C14orf39: variants seen among roughly 807,000 people sequenced by gnomAD.
The protein encoded by C14orf39 is chromosome 14 open reading frame 39, also known as protein SIX6OS1.
Under a neutral mutation model 85.6 loss-of-function variants are expected in C14orf39, and 66 were observed. The ratio of observed to expected loss-of-function variants is 0.77; its 90% confidence interval spans 0.63 to 0.95. The LOEUF is 0.95. Among genes scored for constraint, C14orf39 ranks in the 40% least tolerant of loss-of-function variants. The pLI is 0.00. For synonymous variants in C14orf39, 242 were observed against 214.0 expected (o/e 1.13, Z -1.14); for missense variants, 735 against 663.9 (o/e 1.11, Z -1.18).
chr14:60,473,862 C>G (rs958291768), intron 5 of C14orf39, among the ~76,000 whole-genome samples: 3 of 152,096 alleles, frequency 2.0e-5, no homozygotes, highest in African/African-American at 7.2e-5. Context: ...GTTCTTTTGG[C>G]TTAGGATTGA....
At chr14:60,513,157 A>G (rs954198366) in intron 1 of C14orf39, among the ~76,000 whole-genome samples, 5 of 152,196 alleles carry the variant, frequency 3.3e-5, no homozygotes, top group African/African-American at 1.2e-4. Context: ...GCCCTTATCC[A>G]GAGAATTCTT....
At chr14:60,466,524 C>G (rs1031362925) in intron 10 of C14orf39, among the ~76,000 whole-genome samples, 5 of 151,934 alleles carry the variant, frequency 3.3e-5, no homozygotes, top group Non-Finnish European at 7.4e-5. Context: ...TGCAGAGCCA[C>G]TGAATGAAAC....
intron 1 of C14orf39, chr14:60,510,940 C>A: frequency 1.2e-6 from 1 of 839,588 alleles, no homozygotes; most frequent in Non-Finnish European, 1.9e-6. Context: ...CCTCTGTCGC[C>A]TTGCCGAGTA....
At chr14:60,482,410 C>T (rs1183404039) in intron 4 of C14orf39, among the ~76,000 whole-genome samples, 1 of 152,158 alleles carries the variant, frequency 6.6e-6, no homozygotes, top group Non-Finnish European at 1.5e-5. Context: ...AATAGGAACT[C>T]TCCTACACTG....
Position 60,466,928 on chromosome 14 carries a change from G to A in C14orf39, c.884C>T (p.Pro295Leu). ...AACAGATATTATACCTGCAACTCTT[G>A]GTTCTGAAGAATGCATCTTTATTGG... ...VRPIKMHSSEPRVADIKEESS... is the reference protein window; with the variant it reads ...VRPIKMHSSELRVADIKEESS... Residue 295 changes from proline to leucine, a missense_variant, in exon 10 of 18, where the codon CCA (proline) becomes CTA (leucine). Transcript: ENST00000321731. The A allele has an allele frequency of 6.7e-7, 1 of 1,482,692 alleles. No homozygotes were observed. Among genetic ancestry groups the A allele is most frequent in the Non-Finnish European group, 8.9e-7 (1 of 1,121,606 alleles). 91.8% of individuals were successfully genotyped at this position (1,482,692 alleles called of 1,614,324 possible).
intron 14 of C14orf39, among the ~76,000 whole-genome samples, 174 bp from the exon 15 acceptor site, chr14:60,457,269 A>G (rs144062952): frequency 0.013 from 1,951 of 152,174 alleles, 18 homozygotes; most frequent in South Asian, 0.027. Context: ...ATATCAAAAT[A>G]TAGAAAAATA....
intron 16 of C14orf39, among the ~76,000 whole-genome samples, chr14:60,445,424 G>C (rs1890717364): frequency 1.3e-5 from 2 of 152,080 alleles, no homozygotes; most frequent in South Asian, 4.1e-4. Flanking sequence ...CCTAGTCTCT[G>C]ATAAAACAGA....
At position 60,459,922 on chromosome 14, in the gene C14orf39, A is replaced by G. The variant is rs1891443553; in HGVS notation, c.1118-1183T>C. On this transcript the variant is annotated intron_variant, in intron 13 of 17. Transcript: ENST00000321731. ...TTTGCCCTTGTACTCTTTTTATGGT[A>G]TCTTTTGATAAACAGAAATTCTTAA... 1.3e-5 allele frequency among the ~76,000 whole-genome samples: 2 copies of G among 151,678 alleles called. 1 individual carries two copies. Among genetic ancestry groups the G allele is most frequent in the Admixed American group, 1.3e-4 (2 of 15,184 alleles).
rs1418704591 is a variant in C14orf39, at chr14:60,436,828, A to C, written c.*17T>G. 2 of 1,538,998 alleles carry C rather than the reference A, an allele frequency of 1.3e-6. No homozygotes were observed. The highest frequency in any genetic ancestry group is 1.8e-6 in the Non-Finnish European group (2 of 1,121,034). On this transcript the variant is annotated 3_prime_UTR_variant, in exon 18 of 18. Coordinates refer to ENST00000321731, the MANE Select transcript of C14orf39 (RefSeq NM_174978.3). ...GAACACAGAACAGTAAAATAATTTA[A>C]GGAATTAATGACTAGCTCAAAAAAA...
At chr14:60,511,038 C>T in intron 1 of C14orf39, 2 of 1,592,280 alleles carry the variant, frequency 1.3e-6, no homozygotes, top group East Asian at 4.6e-5. Context: ...GGGCGACGGG[C>T]GGCTGTGTTA....
chr14:60,501,417 G>A (rs1020497359), intron 1 of C14orf39, among the ~76,000 whole-genome samples: 2 of 152,068 alleles, frequency 1.3e-5, no homozygotes, highest in African/African-American at 2.4e-5. Context: ...AAAGAAGGAG[G>A]CAGAGATTGG....
At position 60,467,037 on chromosome 14, in the gene C14orf39, C is replaced by A; in HGVS notation, c.775G>T (p.Gly259Ter). 7.5e-7 allele frequency: 1 copy of A among 1,338,306 alleles called. No homozygotes were observed. Among genetic ancestry groups the A allele is most frequent in the Non-Finnish European group, 9.9e-7 (1 of 1,015,138 alleles). The allele number at this position is 1,338,306 out of a possible 1,614,324, so 82.9% of individuals were successfully genotyped here. A position where few individuals can be genotyped will look rare whatever the true frequency, so the allele number is the denominator to read the frequency against. Reference sequence around the variant, plus strand: ...AATGTAAGTACATGCTCATCTTTTCCAAAAATTCTAAAGAGAAAGGTGAAT... The same window carrying A: ...AATGTAAGTACATGCTCATCTTTTCAAAAAATTCTAAAGAGAAAGGTGAAT... ...NRKELKERIF[G>*]KDEHVLTLNK... is the part of the protein sequence containing the mutation. Residue 259 changes from glycine (G) to a stop codon, truncating the protein, a stop_gained, in exon 10 of 18, where the codon GGA becomes TGA. Coordinates refer to ENST00000321731, the MANE Select transcript of C14orf39 (RefSeq NM_174978.3). LOFTEE classifies it high-confidence loss of function.
chr14:60,514,831 G>C lies in C14orf39; in HGVS notation c.-144+564C>G, dbSNP rs1167856137. On this transcript the variant is annotated intron_variant, in intron 1 of 5. Transcript: ENST00000556799. ...CGCTCTATTCAACGGGGACGCGAGA[G>C]CGCGGACGATTTCCGCTCCTTTTGT... Among the ~76,000 whole-genome samples, 3 of 152,236 alleles carry C rather than the reference G, an allele frequency of 2.0e-5. No individual in the cohort carries two copies. The East Asian group carries it at 5.8e-4, about 29-fold the overall frequency.
chr14:60,497,560 A>G lies in C14orf39; in HGVS notation c.-9+1736T>C, dbSNP rs145819948. ...ATGAGGAAGAATCTGCTACCTCTAG[A>G]CTTTCAGTTCTGCAAGTCAAAAAAT... On this transcript the variant is annotated intron_variant, in intron 2 of 5. Transcript: ENST00000556799. Among the ~76,000 whole-genome samples the G allele has an allele frequency of 7.9e-5, 12 of 152,264 alleles. No individual in the cohort carries two copies. In the East Asian group the frequency reaches 2.3e-3, roughly 29 times the overall value.
At chr14:60,476,239 A>T (rs1892371617) in intron 5 of C14orf39, among the ~76,000 whole-genome samples, 2 of 152,196 alleles carry the variant, frequency 1.3e-5, no homozygotes, top group Non-Finnish European at 2.9e-5. Flanking sequence ...CACCAGTTCC[A>T]GGTGAGATGA....
chr14:60,509,980 T>C lies in C14orf39; in HGVS notation c.-144+5415A>G, dbSNP rs1291884366. 9 of 1,590,698 alleles carry C rather than the reference T, an allele frequency of 5.7e-6. No homozygotes were observed. Among genetic ancestry groups the C allele is most frequent in the South Asian group, 2.3e-5 (2 of 88,346 alleles). ...CTGCAGCCAAGAACAGGTCGGTACCTAGAGGCCTCCGCGCTTTGAGCGCAC... is the reference window on the plus strand; with the variant it reads ...CTGCAGCCAAGAACAGGTCGGTACCCAGAGGCCTCCGCGCTTTGAGCGCAC... On this transcript the variant is annotated intron_variant, in intron 1 of 5. Transcript: ENST00000556799.
chr14:60,441,317 T>C (rs923967960), intron 17 of C14orf39, among the ~76,000 whole-genome samples: 78 of 152,186 alleles, frequency 5.1e-4, no homozygotes, highest in African/African-American at 1.8e-3. Context: ...CTTTTGTCCA[T>C]AGCAGCCTGA....
chr14:60,474,023 T>C (rs930547961), intron 5 of C14orf39, among the ~76,000 whole-genome samples: 3 of 152,208 alleles, frequency 2.0e-5, no homozygotes, highest in Admixed American at 6.5e-5. Context: ...ATATTGATTC[T>C]TCCTACCCAT....
chr14:60,514,785 A>T (rs2140192298), intron 1 of C14orf39, among the ~76,000 whole-genome samples: 1 of 152,328 alleles, frequency 6.6e-6, no homozygotes, highest in South Asian at 2.1e-4. Context: ...ATGGGGCGGG[A>T]GGAGAGGAGA....
Sources: gnomAD v4.1 joint callset for allele counts (sites outside exome capture counted in the v4.1 genomes callset) on GRCh38, gnomAD v4.1.1 for gene constraint, MANE v1.5 for transcripts, NCBI Gene and HGNC (gene_info 2026-07-23, HGNC 2026-07-21) for gene names.